The following TMEM181 variants were observed in gnomAD, a reference collection of about 807,000 sequenced individuals.
TMEM181 encodes transmembrane protein 181, also known as G protein-coupled receptor 178.
A neutral mutation model predicts 71.9 loss-of-function variants in TMEM181; 39 were observed. The ratio of observed to expected loss-of-function variants is 0.54; its 90% CI spans 0.42 to 0.71. The LOEUF (loss-of-function observed/expected upper bound fraction) is 0.71, where lower values mean the gene tolerates loss of function less well. Ranked by LOEUF, TMEM181 falls within the 30% of genes least tolerant of loss-of-function variation. TMEM181 has a pLI of 0.00. For missense variants in TMEM181, 595 were observed against 583.0 expected (o/e 1.02, Z -0.21); for synonymous variants, 245 against 228.8 (o/e 1.07, Z -0.64).
chr6:158,554,135 G>A (rs1781803972), intron 1 of TMEM181, among the ~76,000 whole-genome samples: 1 of 151,820 alleles, frequency 6.6e-6, no homozygotes, highest in Non-Finnish European at 1.5e-5. Flanking sequence ...GCCCAGGCTG[G>A]AGTACAATGG....
intron 6 of TMEM181, among the ~76,000 whole-genome samples, chr6:158,595,962 C>T (rs561851911): frequency 1.2e-3 from 188 of 152,208 alleles, no homozygotes; most frequent in African/African-American, 4.4e-3. Context: ...TGCTCTGTCA[C>T]CCTGGCTGGA....
chr6:158,628,276 G>A (rs150867055), intron 13 of TMEM181, 132 bp from the exon 14 acceptor site: 11 of 790,172 alleles, frequency 1.4e-5, no homozygotes, highest in South Asian at 2.9e-5. Flanking sequence ...CTGTGCATGT[G>A]TGTGGAAGTT....
intron 1 of TMEM181, among the ~76,000 whole-genome samples, chr6:158,567,734 T>A (rs1048885569): frequency 2.0e-5 from 3 of 152,184 alleles, no homozygotes; most frequent in African/African-American, 7.2e-5. Flanking sequence ...CTTAGCAGCC[T>A]TGTGATCTAG....
intron 13 of TMEM181, chr6:158,626,302 C>A: frequency 2.3e-6 from 1 of 437,538 alleles, no homozygotes; most frequent in Admixed American, 2.4e-5. Context: ...GGTAGAGGAA[C>A]AGAGCGGTCT....
At chr6:158,616,832 A>G (rs1476254753) in intron 10 of TMEM181, among the ~76,000 whole-genome samples, 2 of 152,198 alleles carry the variant, frequency 1.3e-5, no homozygotes, top group Non-Finnish European at 2.9e-5. Context: ...CCAGGGATGA[A>G]GCCAACTTGA....
At chr6:158,572,341 G>A (rs995789182) in intron 1 of TMEM181, 18 of 453,302 alleles carry the variant, frequency 4.0e-5, no homozygotes, top group Non-Finnish European at 7.1e-5. Flanking sequence ...GTGGACGTGC[G>A]GCTGCCTGTC....
chr6:158,550,743 T>C (rs1312949663), intron 1 of TMEM181, among the ~76,000 whole-genome samples: 1 of 152,038 alleles, frequency 6.6e-6, no homozygotes, highest in Non-Finnish European at 1.5e-5. Flanking sequence ...GGAACAAAGT[T>C]GGATTGGAGA....
intron 1 of TMEM181, among the ~76,000 whole-genome samples, chr6:158,542,868 GT>G (rs61401561): frequency 0.029 from 2,129 of 73,476 alleles, 14 homozygotes; most frequent in African/African-American, 0.1. Flanking sequence ...CTCCAGAGTG[GT>G]TTTTTTTTTT....
rs1786536437 is a variant in TMEM181 at position 158,629,459 on chromosome 6, G to A, written c.1193-271G>A. Reference sequence around the variant, plus strand: ...GCCCTGCCCTCGGTGCTGGTGACAGGAGCGCCACCAGATGGCTCAGTGGGT... The same window carrying A: ...GCCCTGCCCTCGGTGCTGGTGACAGAAGCGCCACCAGATGGCTCAGTGGGT... On this transcript the variant is annotated intron_variant, in intron 14 of 16. Coordinates refer to ENST00000684151, the MANE Select transcript of TMEM181 (RefSeq NM_001376852.1). Among the ~76,000 whole-genome samples the A allele has an allele frequency of 2.0e-5, 3 of 152,122 alleles. No individual in the cohort carries two copies. The South Asian group carries it at 6.2e-4, about 32-fold the overall frequency.
At chr6:158,547,104 A>G (rs1781551120) in intron 1 of TMEM181, among the ~76,000 whole-genome samples, 1 of 152,194 alleles carries the variant, frequency 6.6e-6, no homozygotes, top group Non-Finnish European at 1.5e-5. Flanking sequence ...CAACATGGCG[A>G]CGCTTCATCT....
In TMEM181 at chr6:158,634,330, C is replaced by T. The variant is rs1786820016; in HGVS notation, c.*2442C>T. On this transcript the variant is annotated 3_prime_UTR_variant, in exon 17 of 17. Transcript: ENST00000684151. ...ATGTACCATAGGTATCAGGTTAAAA[C>T]ACTAAAGTCTGCCAGAAACTTTTGA... is the stretch of plus-strand genomic sequence containing the variant. 2 of 152,186 alleles carry T rather than the reference C, an allele frequency of 1.3e-5. No individual in the cohort carries two copies. Among genetic ancestry groups the T allele is most frequent in the South Asian group, 2.1e-4 (1 of 4,832 alleles). 9.4% of individuals were successfully genotyped at this position (152,186 alleles called of 1,614,324 possible). A position where few individuals can be genotyped will look rare whatever the true frequency, so the allele number is the denominator to read the frequency against.
intron 10 of TMEM181, chr6:158,610,966 C>CGGGGGTCG: frequency 6.9e-6 from 3 of 433,440 alleles, no homozygotes; most frequent in Admixed American, 2.8e-5. Context: ...GTGGAGATCT[C>CGGGGGTCG]CAGATCAGAC....
intron 2 of TMEM181, among the ~76,000 whole-genome samples, chr6:158,579,464 G>A (rs1422745906): frequency 6.6e-6 from 1 of 152,028 alleles, no homozygotes; most frequent in East Asian, 1.9e-4. Flanking sequence ...GCTCACGCCT[G>A]TAATCCCAGC....
chr6:158,614,516 T>A (rs1192817925), intron 10 of TMEM181, among the ~76,000 whole-genome samples: 1 of 152,256 alleles, frequency 6.6e-6, no homozygotes, highest in Non-Finnish European at 1.5e-5. Context: ...CTTTAAGTTC[T>A]AGGGTACATG....
At chr6:158,613,432 T>C (rs76381940) in intron 10 of TMEM181, among the ~76,000 whole-genome samples, 4 of 152,242 alleles carry the variant, frequency 2.6e-5, no homozygotes, top group Admixed American at 2.6e-4. Context: ...GATAAGACTT[T>C]CCAAAGCCAA....
At chr6:158,580,270 T>TGG (rs1783398851) in intron 2 of TMEM181, among the ~76,000 whole-genome samples, 3 of 151,812 alleles carry the variant, frequency 2.0e-5, no homozygotes, top group Admixed American at 2.0e-4. Context: ...GTGGAGGTGG[T>TGG]GGTGAGCTGA....
chr6:158,608,228 TG>T (rs1785069012), intron 8 of TMEM181, 104 bp from the exon 9 acceptor site: 1 of 760,636 alleles, frequency 1.3e-6, no homozygotes. Flanking sequence ...CGCAGAGGTA[TG>T]GGGTGCTCTC....
chr6:158,631,461 G>T (rs1349083077), intron 16 of TMEM181, 72 bp downstream of exon 16: 18 of 1,472,430 alleles, frequency 1.2e-5, no homozygotes, highest in Non-Finnish European at 1.6e-5. Context: ...TTCTGAATGG[G>T]TTACTCTTCT....
chr6:158,631,645 T>G (rs988977144), intron 16 of TMEM181, among the ~76,000 whole-genome samples, 165 bp from the exon 17 acceptor site: 2 of 152,152 alleles, frequency 1.3e-5, no homozygotes, highest in African/African-American at 4.8e-5. Context: ...CCCTGGGAAC[T>G]GGGGGTCAGG....
Sources: gnomAD v4.1 joint callset for allele counts (sites outside exome capture counted in the v4.1 genomes callset) on GRCh38, gnomAD v4.1.1 for gene constraint, MANE v1.5 for transcripts, NCBI Gene and HGNC (gene_info 2026-07-23, HGNC 2026-07-21) for gene names.